SEMA3B: variants seen among roughly 807,000 people sequenced by gnomAD.
SEMA3B encodes the protein semaphorin 3B.
Under a neutral mutation model 77.8 loss-of-function variants are expected in SEMA3B, and 71 were observed. The observed-to-expected ratio is 0.91, with a 90% CI of 0.75 to 1.11. The LOEUF is 1.11. SEMA3B is among the 50% of genes most tolerant of loss of function. The pLI is 0.00. For missense variants in SEMA3B, 968 were observed against 1,056.8 expected, an observed-to-expected ratio of 0.92 and a Z score of 1.17; for synonymous variants, 470 against 452.9, an observed-to-expected ratio of 1.04 and a Z score of -0.48.
chr3:50,272,752 T>C (rs979927325), intron 6 of SEMA3B, among the ~76,000 whole-genome samples: 1 of 149,884 alleles, frequency 6.7e-6, no homozygotes, highest in Admixed American at 6.6e-5. Context: ...AGGCTCTGAC[T>C]GTAATCTCAG....
upstream of SEMA3B, among the ~76,000 whole-genome samples, chr3:50,268,085 G>T (rs1418139709): frequency 1.3e-5 from 2 of 152,194 alleles, no homozygotes; most frequent in Admixed American, 6.5e-5. Context: ...GAAGGGAGAG[G>T]CTCAGAGAGG....
intron 6 of SEMA3B, 97 bp downstream of exon 6, chr3:50,271,577 C>T (rs954357056): frequency 3.0e-5 from 45 of 1,499,498 alleles, no homozygotes; most frequent in East Asian, 4.9e-5. Context: ...TGGGTGTGGC[C>T]AGGTCTTACC....
the SEMA3B span, chr3:50,261,870 A>C: frequency 2.0e-5 from 3 of 152,308 alleles, no homozygotes; most frequent in African/African-American, 7.2e-5. Flanking sequence ...ATAGCCAGCC[A>C]AGTCCTAGCA....
upstream of SEMA3B, chr3:50,263,448 A>G (rs1700856643): frequency 7.2e-6 from 1 of 139,774 alleles, no homozygotes; most frequent in Non-Finnish European, 1.5e-5. Flanking sequence ...GCTGTGGGCC[A>G]TGATCTTGCC....
chr3:50,273,582 C>T lies in SEMA3B; in HGVS notation c.858C>T (p.Phe286=). The change falls in exon 8 of 17, where the codon TTC becomes TTT. Residue 286 remains phenylalanine, a synonymous_variant. Coordinates refer to ENST00000616701, the MANE Select transcript of SEMA3B (RefSeq NM_001290060.2). This position sits in a 1 kb window ranked among gnomAD's most constrained non-coding sequence, Gnocchi z 6.5. ...QRSLVNKWTT[F]LKARLVCSVP... is the part of the protein sequence containing the mutation. ...GCCTGGTCAACAAGTGGACGACGTT[C>T]CTGAAGGCGCGGCTGGTGTGCTCGG... 6.2e-7 allele frequency: 1 copy of T among 1,613,352 alleles called. No homozygotes were observed. The highest frequency in any genetic ancestry group is 1.1e-5 in the South Asian group (1 of 91,074).
Position 50,273,182 on chromosome 3 carries a change from C to A in SEMA3B, c.665-116C>A. ...GACATGGTGCTAGAGGTTGGGTGGT[C>A]AGACACTGTGATCCCGGGTGCTGTG... On this transcript the variant is annotated intron_variant, in intron 6 of 16. Coordinates refer to ENST00000616701, the MANE Select transcript of SEMA3B (RefSeq NM_001290060.2). The surrounding 1 kb of genome is among the most constrained non-coding windows in gnomAD (Gnocchi z 6.5). 7.0e-7 allele frequency: 1 copy of A among 1,436,086 alleles called. No individual in the cohort carries two copies. The highest frequency in any genetic ancestry group is 9.3e-7 in the Non-Finnish European group (1 of 1,071,068). 89.0% of individuals were successfully genotyped at this position (1,436,086 alleles called of 1,614,324 possible).
At position 50,276,361 on chromosome 3, in the gene SEMA3B, G is replaced by C. The variant is rs1294511975; in HGVS notation, c.1905G>C (p.Arg635=). 1.3e-6 allele frequency: 2 copies of C among 1,534,090 alleles called. No homozygotes were observed. Among genetic ancestry groups the C allele is most frequent in the Non-Finnish European group, 1.7e-6 (2 of 1,144,840 alleles). ...GGGGACTACTGCTGCGCAGGCTGCG[G>C]CGCCGGGACTCGGGCGTGTACTTGT... is the stretch of plus-strand genomic sequence containing the variant. ...TARGLLLRRL[R]RRDSGVYLCA... is the part of the protein sequence containing the mutation. Residue 635 remains arginine, a synonymous_variant, in exon 17 of 17, where the codon CGG becomes CGC. Coordinates refer to ENST00000616701, the MANE Select transcript of SEMA3B (RefSeq NM_001290060.2). This position sits in a 1 kb window ranked among gnomAD's most constrained non-coding sequence, Gnocchi z 5.8.
chr3:50,262,417 A>G, the SEMA3B span: 1 of 152,344 alleles, frequency 6.6e-6, no homozygotes, highest in Non-Finnish European at 1.5e-5. Context: ...CCTGGGCAAC[A>G]TAGCAAGACC....
intron 6 of SEMA3B, among the ~76,000 whole-genome samples, chr3:50,272,346 A>G (rs1575469464): frequency 6.6e-6 from 1 of 152,012 alleles, no homozygotes; most frequent in South Asian, 2.1e-4. Context: ...AGGCGGAGGC[A>G]GGCAAATCGC....
rs1553705875 is a variant in SEMA3B, at chr3:50,273,714, C to T, written c.923-45C>T. The T allele has an allele frequency of 2.5e-6, 4 of 1,603,814 alleles. No individual in the cohort carries two copies. Among genetic ancestry groups the T allele is most frequent in the Admixed American group, 1.7e-5 (1 of 59,778 alleles). On this transcript the variant is annotated intron_variant, in intron 8 of 16. Coordinates refer to ENST00000616701, the MANE Select transcript of SEMA3B (RefSeq NM_001290060.2). The surrounding 1 kb of genome is among the most constrained non-coding windows in gnomAD (Gnocchi z 6.5). ...GCGCAGACTCCGGGAGCCCCCGCCG[C>T]AGCGGGGCTGTGCGCCCTACCCCAG...
At chr3:50,272,927 C>T (rs1255909907) in intron 6 of SEMA3B, among the ~76,000 whole-genome samples, 6 of 151,608 alleles carry the variant, frequency 4.0e-5, no homozygotes, top group African/African-American at 1.2e-4. Context: ...GAGTGGGGAG[C>T]ATCTGGTTAT....
At position 50,275,468 on chromosome 3, in the gene SEMA3B, G is replaced by T; in HGVS notation, c.1649+9G>T. ...CAGCCCAGTGCCAAGAGGTGGGCGG[G>T]GTCGGGGTTGGGCCGCCGGGAGGGA... On this transcript the variant is annotated intron_variant, in intron 14 of 16. Coordinates refer to ENST00000616701, the MANE Select transcript of SEMA3B (RefSeq NM_001290060.2). The surrounding 1 kb of genome is among the most constrained non-coding windows in gnomAD (Gnocchi z 7.5). The T allele has an allele frequency of 6.2e-7, 1 of 1,606,846 alleles. No homozygotes were observed.
In SEMA3B at chr3:50,276,618, T is replaced by G. The variant is rs1174073140; in HGVS notation, c.2162T>G (p.Leu721Arg). The change falls in exon 17 of 17, where the codon CTG becomes CGG. Residue 721 changes from leucine (L) to arginine (R), a missense_variant. Leu to Arg is a moderately radical substitution (Grantham distance 102). Transcript: ENST00000616701. The surrounding 1 kb of genome is among the most constrained non-coding windows in gnomAD (Gnocchi z 5.8). ...RPQPALQSLP[L>R]ESRRKGRNRR... Reference sequence around the variant, plus strand: ...CAGCCTGCGCTGCAGTCACTGCCCCTGGAGTCGCGGAGAAAGGGCCGTAAC... The same window carrying G: ...CAGCCTGCGCTGCAGTCACTGCCCCGGGAGTCGCGGAGAAAGGGCCGTAAC... 3 of 1,591,036 alleles carry G rather than the reference T, an allele frequency of 1.9e-6. No homozygotes were observed. Among genetic ancestry groups the G allele is most frequent in the Non-Finnish European group, 2.6e-6 (3 of 1,173,944 alleles).
chr3:50,274,739 T>C lies in SEMA3B; in HGVS notation c.1358-104T>C, dbSNP rs1553706172. On this transcript the variant is annotated intron_variant, in intron 11 of 16. Transcript: ENST00000616701. The surrounding 1 kb of genome is among the most constrained non-coding windows in gnomAD (Gnocchi z 4.7). ...ACCCACACTCTTCCAGTCCACACTC[T>C]TCACAACCCAAACATGCTGAGGGTA... The C allele has an allele frequency of 1.4e-6, 2 of 1,442,990 alleles. No homozygotes were observed. Among genetic ancestry groups the C allele is most frequent in the Non-Finnish European group, 1.9e-6 (2 of 1,051,558 alleles). 89.4% of individuals were successfully genotyped at this position (1,442,990 alleles called of 1,614,324 possible).
chr3:50,270,058 C>T lies in SEMA3B; in HGVS notation c.110-69C>T, dbSNP rs587618273. On this transcript the variant is annotated intron_variant, in intron 1 of 16. Transcript: ENST00000616701. The surrounding 1 kb of genome is among the most constrained non-coding windows in gnomAD (Gnocchi z 4.7). ...ATGGCAACCTTGGCCGATAGAGTCA[C>T]CACCAGGCAGGACCTGGGGGAGGCT... is the stretch of plus-strand genomic sequence containing the variant. The T allele has an allele frequency of 2.7e-6, 4 of 1,455,028 alleles. No homozygotes were observed. The highest frequency in any genetic ancestry group is 2.7e-6 in the Non-Finnish European group (3 of 1,100,002). 90.1% of individuals were successfully genotyped at this position (1,455,028 alleles called of 1,614,324 possible). A position where few individuals can be genotyped will look rare whatever the true frequency, so the allele number is the denominator to read the frequency against.
At position 50,274,122 on chromosome 3, in the gene SEMA3B, T is replaced by C. The variant is rs587684669; in HGVS notation, c.1137+65T>C. On this transcript the variant is annotated intron_variant, in intron 10 of 16. Coordinates refer to ENST00000616701, the MANE Select transcript of SEMA3B (RefSeq NM_001290060.2). The surrounding 1 kb of genome is among the most constrained non-coding windows in gnomAD (Gnocchi z 4.7). ...GCCTCAAGGGTTTGAGAACTTGGCC[T>C]GGGGTCTTCTTGGTGAATGTGGTTT... is the stretch of plus-strand genomic sequence containing the variant. 6 of 1,572,420 alleles carry C rather than the reference T, an allele frequency of 3.8e-6. No homozygotes were observed. Among genetic ancestry groups the C allele is most frequent in the South Asian group, 2.3e-5 (2 of 86,048 alleles).
chr3:50,267,873 A>C (rs1004260565), upstream of SEMA3B: 4 of 152,414 alleles, frequency 2.6e-5, no homozygotes, highest in African/African-American at 4.8e-5. The surrounding 1 kb of genome is among the most constrained non-coding windows in gnomAD (Gnocchi z 5.7). Flanking sequence ...CTGCCTCAGC[A>C]GCTGCTCCAC....
In SEMA3B at chr3:50,275,050, G is replaced by A. The variant is rs782341086; in HGVS notation, c.1488G>A (p.Lys496=). 35 of 1,584,422 alleles carry A rather than the reference G, an allele frequency of 2.2e-5. No homozygotes were observed. The highest frequency in any genetic ancestry group is 6.8e-5 in the Admixed American group (4 of 58,730). Residue 496 remains lysine, a synonymous_variant, in exon 13 of 17, where the codon AAG becomes AAA. Transcript: ENST00000616701. The surrounding 1 kb of genome is among the most constrained non-coding windows in gnomAD (Gnocchi z 7.5). ...AAVTSMQISS[K]RHQLYVASRS... is the part of the protein sequence containing the mutation. ...TCACCAGCATGCAAATTTCTTCCAA[G>A]AGGGTGAGTGACCAGGATGGGGGTC...
At position 50,275,413 on chromosome 3, in the gene SEMA3B, G is replaced by A; in HGVS notation, c.1603G>A (p.Ala535Thr). ...CTGTCTGGCGCGTGACCCCTACTGC[G>A]CCTGGGACGGGGTCGCGTGCACGCG... is the stretch of plus-strand genomic sequence containing the variant. Reference protein sequence around the residue: ...ECCLARDPYCAWDGVACTRFQ... With the variant: ...ECCLARDPYCTWDGVACTRFQ... The change falls in exon 14 of 17, where the codon GCC becomes ACC. Residue 535 changes from alanine to threonine, a missense_variant. By Grantham distance (58) the Ala-to-Thr change is moderately conservative (BLOSUM62 0). Transcript: ENST00000616701. This position sits in a 1 kb window ranked among gnomAD's most constrained non-coding sequence, Gnocchi z 7.5. 1 of 1,600,768 alleles carries A rather than the reference G, an allele frequency of 6.2e-7. No individual in the cohort carries two copies.
Sources: allele counts gnomAD v4.1 joint callset (sites outside exome capture counted in the v4.1 genomes callset), GRCh38; gene constraint gnomAD v4.1.1; non-coding constraint Gnocchi (gnomAD v3.1); transcripts MANE v1.5; gene names NCBI Gene and HGNC (gene_info 2026-07-23, HGNC 2026-07-21).